Variants in LPIN1 observed in about 807,000 individuals in gnomAD.
LPIN1 encodes lipin 1, also known as phosphatidate phosphatase LPIN1.
A neutral mutation model predicts 107.5 loss-of-function variants in LPIN1; 71 were observed. That is an observed-to-expected ratio of 0.66 (90% CI 0.55 to 0.80). The LOEUF is 0.80. LPIN1 is among the 30% of genes least tolerant of loss of function. The probability of loss-of-function intolerance (pLI) is 0.00; values close to 1 mark genes in which losing one functional copy is unlikely to be tolerated. For synonymous variants in LPIN1, 445 were observed against 452.6 expected (o/e 0.98, Z 0.21); for missense variants, 1,043 against 1,160.6 (o/e 0.90, Z 1.47).
chr2:11,744,797 C>T (rs1305034775), upstream of LPIN1, among the ~76,000 whole-genome samples: 1 of 152,166 alleles, frequency 6.6e-6, no homozygotes, highest in Non-Finnish European at 1.5e-5. Flanking sequence ...CTTGCAACCT[C>T]AGCAGTTTTG....
At chr2:11,812,383 G>T (rs1281134367) in intron 17 of LPIN1, among the ~76,000 whole-genome samples, 2 of 152,144 alleles carry the variant, frequency 1.3e-5, no homozygotes, top group Admixed American at 1.3e-4. Context: ...AGGAGGAGAG[G>T]GAAGGCAGAG....
intron 1 of LPIN1, among the ~76,000 whole-genome samples, chr2:11,703,955 G>A (rs1011442126): frequency 1.3e-5 from 2 of 152,196 alleles, no homozygotes; most frequent in African/African-American, 4.8e-5. Flanking sequence ...TGGCCTGGAA[G>A]GGTCAGGATG....
At chr2:11,757,204 C>G (rs1558814818) in intron 1 of LPIN1, among the ~76,000 whole-genome samples, 1 of 151,712 alleles carries the variant, frequency 6.6e-6, no homozygotes, top group Non-Finnish European at 1.5e-5. Flanking sequence ...GAAAGCCGTT[C>G]CACTGGAAAT....
intron 1 of LPIN1, among the ~76,000 whole-genome samples, chr2:11,685,370 G>A (rs931229785): frequency 6.6e-6 from 1 of 152,208 alleles, no homozygotes; most frequent in Non-Finnish European, 1.5e-5. Flanking sequence ...GTCATGTTAA[G>A]GGGACCCACC....
At chr2:11,789,287 G>C (rs1675223627) in intron 12 of LPIN1, among the ~76,000 whole-genome samples, 1 of 152,128 alleles carries the variant, frequency 6.6e-6, no homozygotes, top group Non-Finnish European at 1.5e-5. Flanking sequence ...GTGTGTGTGT[G>C]CCTGTGCCTG....
At chr2:11,760,705 A>G (rs984323444) in intron 1 of LPIN1, among the ~76,000 whole-genome samples, 5 of 150,968 alleles carry the variant, frequency 3.3e-5, no homozygotes, top group African/African-American at 9.8e-5. Flanking sequence ...GGAGAGGGAG[A>G]CCATGGGGAG....
chr2:11,683,687 C>T (rs915846170), intron 1 of LPIN1, among the ~76,000 whole-genome samples: 7 of 152,286 alleles, frequency 4.6e-5, no homozygotes, highest in African/African-American at 2.4e-5. Context: ...ATGCTGTGGT[C>T]GTCGAGGTAA....
At chr2:11,750,698 G>C (rs572432872) in intron 1 of LPIN1, among the ~76,000 whole-genome samples, 4 of 152,344 alleles carry the variant, frequency 2.6e-5, no homozygotes, top group African/African-American at 9.6e-5. Flanking sequence ...CTGCAGTGCA[G>C]AGAGCTTAGT....
At chr2:11,806,872 C>T (rs908241548) in intron 17 of LPIN1, among the ~76,000 whole-genome samples, 2 of 152,150 alleles carry the variant, frequency 1.3e-5, no homozygotes, top group African/African-American at 4.8e-5. Flanking sequence ...ATTTACATCC[C>T]CACACACATA....
At chr2:11,759,136 T>G (rs879777668) in intron 1 of LPIN1, among the ~76,000 whole-genome samples, 634 of 40,140 alleles carry the variant, frequency 0.016, 2 homozygotes, top group Non-Finnish European at 0.021. Flanking sequence ...TTCTTTCTTT[T>G]CTTTCTTTCT....
chr2:11,809,426 T>A (rs1470438926), intron 17 of LPIN1, among the ~76,000 whole-genome samples: 1 of 152,136 alleles, frequency 6.6e-6, no homozygotes, highest in Admixed American at 6.5e-5. Flanking sequence ...TAGGGTCTTT[T>A]TTTTTTGGAG....
chr2:11,703,059 G>A (rs1166219875), intron 1 of LPIN1, among the ~76,000 whole-genome samples: 1 of 152,158 alleles, frequency 6.6e-6, no homozygotes, highest in African/African-American at 2.4e-5. Context: ...TAAGAAAGGG[G>A]TTTCAAGATT....
intron 1 of LPIN1, among the ~76,000 whole-genome samples, chr2:11,759,190 TTTTC>T (rs1198187531): frequency 9.8e-5 from 12 of 122,944 alleles, no homozygotes; most frequent in South Asian, 2.5e-4. Context: ...TCTTTCTTTC[TTTTC>T]TTTCTTTCTT....
intron 18 of LPIN1, chr2:11,818,715 C>CTG (rs2148730054): frequency 6.6e-6 from 1 of 151,904 alleles, no homozygotes; most frequent in African/African-American, 2.4e-5. Flanking sequence ...CAGTGAATTG[C>CTG]CATGATGATA....
chr2:11,772,032 G>T (rs1178103732), intron 4 of LPIN1, among the ~76,000 whole-genome samples: 1 of 152,264 alleles, frequency 6.6e-6, no homozygotes, highest in Non-Finnish European at 1.5e-5. Context: ...GGGGGTGATG[G>T]GTGACAGATC....
At chr2:11,692,827 C>T (rs1241842803) in intron 1 of LPIN1, among the ~76,000 whole-genome samples, 1 of 152,180 alleles carries the variant, frequency 6.6e-6, no homozygotes, top group Non-Finnish European at 1.5e-5. Context: ...TAAATTCTAC[C>T]TCCAGATATC....
rs746592045 is a variant in LPIN1, at chr2:11,803,400, G to A, written c.2013+367G>A. On this transcript the variant is annotated intron_variant, in intron 15 of 20. Coordinates refer to ENST00000674199, the MANE Select transcript of LPIN1 (RefSeq NM_001349206.2). The surrounding 1 kb of genome is among the most constrained non-coding windows in gnomAD (Gnocchi z 4.2). ...GAGAGAGATGTTTGTTAACTCAAAT[G>A]CATCTCTTAAGTTGGTGGAAATCAA... Among the ~76,000 whole-genome samples the A allele has an allele frequency of 1.3e-5, 2 of 152,164 alleles. No individual in the cohort carries two copies. The highest frequency in any genetic ancestry group is 2.9e-5 in the Non-Finnish European group (2 of 68,032).
chr2:11,784,835 C>T (rs116354893), intron 9 of LPIN1, 51 bp from the exon 10 acceptor site: 2 of 1,582,444 alleles, frequency 1.3e-6, no homozygotes, highest in Non-Finnish European at 1.7e-6. Context: ...GATGTAGGAC[C>T]CTGAACTGGG....
chr2:11,801,332 G>A (rs908738980), intron 14 of LPIN1, among the ~76,000 whole-genome samples: 2 of 152,182 alleles, frequency 1.3e-5, no homozygotes, highest in Non-Finnish European at 1.5e-5. Flanking sequence ...CTATTCACAG[G>A]AGTTGAAATA....
Sources: allele counts gnomAD v4.1 joint callset (sites outside exome capture counted in the v4.1 genomes callset), GRCh38; gene constraint gnomAD v4.1.1; non-coding constraint Gnocchi (gnomAD v3.1); transcripts MANE v1.5; gene names NCBI Gene and HGNC (gene_info 2026-07-23, HGNC 2026-07-21).